The following TMEM150C variants were observed in gnomAD, a reference collection of about 807,000 sequenced individuals.
TMEM150C encodes the protein tentonin 3.
TMEM150C carries 10 observed loss-of-function variants against 29.9 expected under a neutral mutation model. The ratio of observed to expected loss-of-function variants is 0.33; its 90% CI spans 0.21 to 0.57. The LOEUF (loss-of-function observed/expected upper bound fraction) is 0.57. Ranked by LOEUF, TMEM150C falls within the 20% of genes least tolerant of loss-of-function variation. The pLI, the probability that TMEM150C is intolerant of heterozygous loss-of-function variation, is 0.88. For missense variants in TMEM150C, 251 were observed against 303.6 expected (o/e 0.83, Z 1.29); for synonymous variants, 101 against 112.5 (o/e 0.90, Z 0.64).
At chr4:82,517,153 C>T (rs543861112) in intron 1 of TMEM150C, among the ~76,000 whole-genome samples, 8 of 152,188 alleles carry the variant, frequency 5.3e-5, no homozygotes, top group Non-Finnish European at 5.9e-5. Flanking sequence ...GTACAAAAAC[C>T]GACCTGGAAC....
intron 6 of TMEM150C, chr4:82,495,289 A>G (rs1723509410): frequency 4.7e-6 from 1 of 210,932 alleles, no homozygotes; most frequent in South Asian, 7.1e-5. Context: ...AAAAATACAA[A>G]AATTTAGCTG....
intron 6 of TMEM150C, among the ~76,000 whole-genome samples, chr4:82,494,230 G>C (rs963661624): frequency 3.9e-5 from 6 of 152,160 alleles, no homozygotes; most frequent in African/African-American, 1.4e-4. Context: ...AGGTTGGTGG[G>C]GAGGGAGGGA....
chr4:82,511,472 ATT>A (rs397935719), intron 1 of TMEM150C, among the ~76,000 whole-genome samples: 48 of 106,326 alleles, frequency 4.5e-4, no homozygotes, highest in Middle Eastern at 4.6e-3. Context: ...TCCCAACACT[ATT>A]TTTTTTTTTT....
intron 1 of TMEM150C, among the ~76,000 whole-genome samples, chr4:82,542,609 T>C (rs1430948066): frequency 6.6e-6 from 1 of 152,106 alleles, no homozygotes; most frequent in Non-Finnish European, 1.5e-5. Flanking sequence ...TTTTCACACA[T>C]CAAACCATGG....
chr4:82,516,585 G>A (rs1209516288), intron 1 of TMEM150C, among the ~76,000 whole-genome samples: 2 of 152,158 alleles, frequency 1.3e-5, no homozygotes, highest in East Asian at 3.8e-4. Context: ...ATAAGCACAT[G>A]GCAAGCATTC....
At chr4:82,561,594 G>A (rs1725932198) in intron 1 of TMEM150C, among the ~76,000 whole-genome samples, 1 of 149,866 alleles carries the variant, frequency 6.7e-6, no homozygotes, top group East Asian at 1.9e-4. Context: ...CTGGCTGGCG[G>A]CACTGCGGCG....
intron 1 of TMEM150C, among the ~76,000 whole-genome samples, chr4:82,540,716 A>G (rs1179100755): frequency 6.6e-6 from 1 of 152,158 alleles, no homozygotes; most frequent in African/African-American, 2.4e-5. Context: ...TTGACAAATA[A>G]AAGTTGTATA....
At chr4:82,550,586 G>T (rs1725540279) in intron 1 of TMEM150C, among the ~76,000 whole-genome samples, 1 of 152,030 alleles carries the variant, frequency 6.6e-6, no homozygotes, top group African/African-American at 2.4e-5. Context: ...GGATCACGAG[G>T]TCAGGAGATC....
At chr4:82,553,906 G>A (rs115574563) in intron 1 of TMEM150C, among the ~76,000 whole-genome samples, 26 of 152,222 alleles carry the variant, frequency 1.7e-4, no homozygotes, top group African/African-American at 5.5e-4. Flanking sequence ...AAAATGGCAA[G>A]CCACTCCTTT....
chr4:82,538,782 C>T (rs1056987693), intron 1 of TMEM150C, among the ~76,000 whole-genome samples: 1 of 152,076 alleles, frequency 6.6e-6, no homozygotes, highest in African/African-American at 2.4e-5. Context: ...TTTGAGGGAC[C>T]AGGTGCAGTG....
chr4:82,561,954 C>T lies in TMEM150C; in HGVS notation c.-59G>A. On this transcript the variant is annotated 5_prime_UTR_variant, in exon 1 of 8. Coordinates refer to ENST00000449862, the MANE Select transcript of TMEM150C (RefSeq NM_001080506.3). Reference sequence around the variant, plus strand: ...TGTCGCCTCGAGGGGCTGTGACCTGCTGCGGTGGCGGCGGCGGCAGCAGTA... The same window carrying T: ...TGTCGCCTCGAGGGGCTGTGACCTGTTGCGGTGGCGGCGGCGGCAGCAGTA... The T allele has an allele frequency of 9.0e-7, 1 of 1,106,842 alleles. No homozygotes were observed. Among genetic ancestry groups the T allele is most frequent in the Non-Finnish European group, 1.1e-6 (1 of 901,712 alleles). The allele number at this position is 1,106,842 out of a possible 1,614,324, so 68.6% of individuals were successfully genotyped here.
In TMEM150C at chr4:82,496,042, G is replaced by A. The variant is rs763975511; in HGVS notation, c.363+26C>T. Reference sequence around the variant, plus strand: ...GTGAAGGTCTTACCAGTGTCAGAGGGAGGTGAAAAAGGCCAAATCAAGTAC... The same window carrying A: ...GTGAAGGTCTTACCAGTGTCAGAGGAAGGTGAAAAAGGCCAAATCAAGTAC... On this transcript the variant is annotated intron_variant, in intron 6 of 7. Transcript: ENST00000449862. 2.1e-5 allele frequency: 34 copies of A among 1,613,684 alleles called. 1 individual carries two copies. The South Asian group carries it at 2.6e-4, about 13-fold the overall frequency.
At position 82,550,305 on chromosome 4, in the gene TMEM150C, C is replaced by A. The variant is rs1725529068; in HGVS notation, c.-11+11601G>T. 2.0e-5 allele frequency among the ~76,000 whole-genome samples: 3 copies of A among 152,326 alleles called. No individual in the cohort carries two copies. The South Asian group carries it at 6.2e-4, about 32-fold the overall frequency. On this transcript the variant is annotated intron_variant, in intron 1 of 7. Transcript: ENST00000449862. Reference sequence around the variant, plus strand: ...GCCATGTAAGACGTGCCTGCTTCCCCTTCTGCCATGATTTTAAGTTTGCTG... The same window carrying A: ...GCCATGTAAGACGTGCCTGCTTCCCATTCTGCCATGATTTTAAGTTTGCTG...
At chr4:82,511,315 C>A (rs1724114805) in intron 1 of TMEM150C, among the ~76,000 whole-genome samples, 1 of 151,984 alleles carries the variant, frequency 6.6e-6, no homozygotes, top group Non-Finnish European at 1.5e-5. Flanking sequence ...TCCTAAGAAC[C>A]AATGGCAACT....
At chr4:82,527,889 A>G (rs1483750295) in intron 1 of TMEM150C, among the ~76,000 whole-genome samples, 1 of 152,212 alleles carries the variant, frequency 6.6e-6, no homozygotes, top group African/African-American at 2.4e-5. Context: ...GTAAGGTCTC[A>G]TTCTGGTAAT....
chr4:82,519,208 T>C (rs1724396373), intron 1 of TMEM150C, among the ~76,000 whole-genome samples: 1 of 152,186 alleles, frequency 6.6e-6, no homozygotes, highest in Admixed American at 6.5e-5. Flanking sequence ...TGTCACCTTT[T>C]GGCCTACAAC....
chr4:82,509,438 A>G (rs1724045917), intron 1 of TMEM150C, among the ~76,000 whole-genome samples: 1 of 152,206 alleles, frequency 6.6e-6, no homozygotes, highest in South Asian at 2.1e-4. Flanking sequence ...CTATAAGCCC[A>G]TATTAATTTA....
At chr4:82,490,017 T>G (rs775167392) in intron 7 of TMEM150C, 44 bp downstream of exon 7, 62 of 1,588,562 alleles carry the variant, frequency 3.9e-5, no homozygotes, top group East Asian at 9.0e-5. Context: ...ACTTACTTGT[T>G]TTCATCTTAC....
intron 1 of TMEM150C, among the ~76,000 whole-genome samples, chr4:82,537,860 TCAA>T (rs1725061656): frequency 6.6e-6 from 1 of 152,096 alleles, no homozygotes; most frequent in African/African-American, 2.4e-5. Context: ...CCTAGAGCCT[TCAA>T]TAGGAGCAGG....
Sources: allele counts gnomAD v4.1 joint callset (sites outside exome capture counted in the v4.1 genomes callset), GRCh38; gene constraint gnomAD v4.1.1; transcripts MANE v1.5; gene names NCBI Gene and HGNC (gene_info 2026-07-23, HGNC 2026-07-21).